Variants in FGF14 observed in about 807,000 individuals in gnomAD.
FGF14 encodes the protein fibroblast growth factor homologous factor 4.
A neutral mutation model predicts 25.5 loss-of-function variants in FGF14; 5 were observed. The observed-to-expected ratio is 0.20, with a 90% CI of 0.10 to 0.41. The LOEUF (loss-of-function observed/expected upper bound fraction) is 0.41, where lower values mean the gene tolerates loss of function less well. Among genes scored for constraint, FGF14 ranks in the 10% least tolerant of loss-of-function variants. The pLI is 1.00. For synonymous variants in FGF14, 138 were observed against 118.3 expected (o/e 1.17, Z -1.08); for missense variants, 222 against 320.1 (o/e 0.69, Z 2.34).
At chr13:102,058,953 A>G (rs963475911) in intron 1 of FGF14, among the ~76,000 whole-genome samples, 2 of 151,932 alleles carry the variant, frequency 1.3e-5, no homozygotes, top group Admixed American at 6.6e-5. Flanking sequence ...TAACTAAAAA[A>G]AAAAAAAATA....
chr13:102,208,915 G>A (rs139436162), intron 1 of FGF14, among the ~76,000 whole-genome samples: 32 of 152,254 alleles, frequency 2.1e-4, no homozygotes, highest in African/African-American at 6.3e-4. Context: ...AAATAGGCTC[G>A]TTGTATTATT....
chr13:101,926,549 C>T lies in FGF14; in HGVS notation c.209-51253G>A, dbSNP rs548948209. ...TGATTGTGGAGACAGGACCATTAGG[C>T]TCCCCAGTGAATTGTGAGAATGCAT... On this transcript the variant is annotated intron_variant, in intron 1 of 4. Coordinates refer to the FGF14 transcript ENST00000376131. Among the ~76,000 whole-genome samples the T allele has an allele frequency of 2.0e-5, 3 of 152,340 alleles. No individual in the cohort carries two copies. In the South Asian group the frequency reaches 6.2e-4, roughly 32 times the overall value.
rs562465618 is a variant in FGF14 at position 102,190,651 on chromosome 13, C to T, written c.208+210820G>A. 3.2e-4 allele frequency among the ~76,000 whole-genome samples: 48 copies of T among 152,100 alleles called. 1 individual carries two copies. Among genetic ancestry groups the T allele is most frequent in the South Asian group, 6.2e-4 (3 of 4,820 alleles). On this transcript the variant is annotated intron_variant, in intron 1 of 4. Coordinates refer to the FGF14 transcript ENST00000376131. ...GATAAAACCAATGTTAGGAAGACAA[C>T]GAAAAGTCAATTAAATTAATATACT...
intron 3 of FGF14, among the ~76,000 whole-genome samples, chr13:101,747,819 A>T (rs1320239544): frequency 6.6e-6 from 1 of 151,958 alleles, no homozygotes; most frequent in Non-Finnish European, 1.5e-5. Flanking sequence ...TGGGGAAAGG[A>T]ACAATTCTTA....
intron 1 of FGF14, among the ~76,000 whole-genome samples, chr13:102,130,739 A>G (rs567335367): frequency 6.6e-6 from 1 of 152,320 alleles, no homozygotes; most frequent in East Asian, 1.9e-4. Flanking sequence ...TTCAAACATC[A>G]CATCCACCTG....
chr13:102,287,874 T>C (rs1263056971), intron 1 of FGF14, among the ~76,000 whole-genome samples: 1 of 152,226 alleles, frequency 6.6e-6, no homozygotes, highest in Non-Finnish European at 1.5e-5. Context: ...ATCGTCTTCT[T>C]ATTCCAAACA....
chr13:102,213,990 C>A (rs1385473702), intron 1 of FGF14, among the ~76,000 whole-genome samples: 4 of 152,212 alleles, frequency 2.6e-5, no homozygotes, highest in Non-Finnish European at 4.4e-5. Flanking sequence ...GAATTCAGAT[C>A]ATCACTCAGG....
intron 1 of FGF14, among the ~76,000 whole-genome samples, chr13:102,161,585 A>AAGAG (rs2047664709): frequency 4.1e-4 from 1 of 2,414 alleles, no homozygotes; most frequent in Non-Finnish European, 6.1e-4. Context: ...AAGAAGAAGA[A>AAGAG]GAAGAAGAAG....
At chr13:102,133,632 CT>C (rs1392621147) in intron 1 of FGF14, among the ~76,000 whole-genome samples, 1 of 152,152 alleles carries the variant, frequency 6.6e-6, no homozygotes, top group Non-Finnish European at 1.5e-5. Context: ...AGTTGCAAAT[CT>C]TTTTAAAACA....
At chr13:101,885,812 G>T (rs2045961289) in intron 1 of FGF14, among the ~76,000 whole-genome samples, 1 of 152,050 alleles carries the variant, frequency 6.6e-6, no homozygotes, top group Non-Finnish European at 1.5e-5. Context: ...AATGAACCAG[G>T]TTTCAAGTGA....
At position 102,161,978 on chromosome 13, in the gene FGF14, C is replaced by A. The variant is rs9585864; in HGVS notation, c.208+239493G>T. On this transcript the variant is annotated intron_variant, in intron 1 of 4. Transcript: ENST00000376131. ...GGGTTTCAAGAAACACCTCCATGAG[C>A]CTTTCTGATGTGTTAATATTACTCT... Among the ~76,000 whole-genome samples the A allele has an allele frequency of 3.8e-3, 571 of 152,106 alleles. 7 individuals carry two copies. The highest frequency in any genetic ancestry group is 0.012 in the African/African-American group (501 of 41,500).
intron 1 of FGF14, among the ~76,000 whole-genome samples, chr13:102,318,680 G>T (rs570332519): frequency 2.0e-4 from 31 of 152,260 alleles, no homozygotes; most frequent in African/African-American, 6.5e-4. Flanking sequence ...CGAAGGGTCT[G>T]CCCTACTCTA....
intron 1 of FGF14, among the ~76,000 whole-genome samples, chr13:102,179,483 G>C (rs1232805964): frequency 2.0e-5 from 3 of 151,814 alleles, no homozygotes; most frequent in Non-Finnish European, 4.4e-5. Flanking sequence ...AGGAACACAG[G>C]GTACCTTTTA....
At chr13:102,399,124 G>GA (rs1340082166) in intron 1 of FGF14, among the ~76,000 whole-genome samples, 5 of 151,964 alleles carry the variant, frequency 3.3e-5, no homozygotes, top group African/African-American at 1.2e-4. Flanking sequence ...TGGAAGGGGG[G>GA]AAAAACTATT....
At chr13:102,003,052 G>C (rs1363426426) in intron 1 of FGF14, 1 of 152,120 alleles carries the variant, frequency 6.6e-6, no homozygotes, top group Non-Finnish European at 1.5e-5. Flanking sequence ...AGTATAGACA[G>C]TTACTTTGTT....
At chr13:101,844,765 A>G (rs1044169267) in intron 3 of FGF14, among the ~76,000 whole-genome samples, 1 of 151,976 alleles carries the variant, frequency 6.6e-6, no homozygotes, top group African/African-American at 2.4e-5. Flanking sequence ...CTTAGGAAAA[A>G]TTTCTGTGGG....
chr13:101,787,905 C>G (rs2039940846), intron 3 of FGF14, among the ~76,000 whole-genome samples: 1 of 152,150 alleles, frequency 6.6e-6, no homozygotes, highest in Non-Finnish European at 1.5e-5. Flanking sequence ...GAGTTTAGCT[C>G]TTATTGCCCA....
In FGF14 at chr13:102,263,770, G is replaced by A. The variant is rs575150998; in HGVS notation, c.208+137701C>T. On this transcript the variant is annotated intron_variant, in intron 1 of 4. Coordinates refer to the FGF14 transcript ENST00000376131. ...AATTTGTTTAAGAAGTGACCTATAG[G>A]GAAAATCAGAATAAACACTCTTAGA... Among the ~76,000 whole-genome samples the A allele has an allele frequency of 1.9e-4, 29 of 152,130 alleles. No individual in the cohort carries two copies. The South Asian group carries it at 5.8e-3, about 30-fold the overall frequency.
chr13:102,022,591 T>C (rs2040716051), intron 1 of FGF14, among the ~76,000 whole-genome samples: 1 of 151,976 alleles, frequency 6.6e-6, no homozygotes, highest in South Asian at 2.1e-4. Flanking sequence ...AGAACATAAA[T>C]AGATGACACC....
Sources: gnomAD v4.1 joint callset for allele counts (sites outside exome capture counted in the v4.1 genomes callset) on GRCh38, gnomAD v4.1.1 for gene constraint, MANE v1.5 for transcripts, NCBI Gene and HGNC (gene_info 2026-07-23, HGNC 2026-07-21) for gene names.